UNC13C: variants seen among roughly 807,000 people sequenced by gnomAD.
UNC13C encodes the protein protein unc-13 homolog C.
UNC13C carries 174 observed loss-of-function variants against 245.4 expected under a neutral mutation model. The observed-to-expected ratio is 0.71, with a 90% CI of 0.63 to 0.80. The LOEUF (loss-of-function observed/expected upper bound fraction) is 0.80, where lower values mean the gene tolerates loss of function less well. Ranked by LOEUF, UNC13C falls within the 30% of genes least tolerant of loss-of-function variation. The pLI is 0.00. For synonymous variants in UNC13C, 992 were observed against 895.1 expected (o/e 1.11, Z -1.93); for missense variants, 2,829 against 2,602.9 (o/e 1.09, Z -1.89).
At chr15:54,280,703 C>T (rs201104423) in intron 10 of UNC13C, among the ~76,000 whole-genome samples, 1 of 52,306 alleles carries the variant, frequency 1.9e-5, no homozygotes, top group Non-Finnish European at 3.2e-5. Context: ...CATATGTATA[C>T]ATACATATAT....
intron 2 of UNC13C, among the ~76,000 whole-genome samples, chr15:54,063,302 A>C (rs1897927489): frequency 6.6e-6 from 1 of 152,152 alleles, no homozygotes; most frequent in Non-Finnish European, 1.5e-5. Flanking sequence ...CCAAAGCAAG[A>C]CACACACGAA....
chr15:54,178,738 A>C (rs778577119), intron 4 of UNC13C, among the ~76,000 whole-genome samples: 18 of 152,192 alleles, frequency 1.2e-4, no homozygotes, highest in Non-Finnish European at 2.6e-4. Context: ...AAACTCAAGG[A>C]GCCCAGAATT....
the UNC13C span, among the ~76,000 whole-genome samples, chr15:53,905,061 G>T: frequency 1.3e-5 from 2 of 152,056 alleles, no homozygotes; most frequent in Non-Finnish European, 2.9e-5. Flanking sequence ...GTGGGACAAT[G>T]AATGCATAAC....
intron 1 of UNC13C, among the ~76,000 whole-genome samples, chr15:53,999,049 ATCTGAATT>A (rs1341924418): frequency 2.0e-5 from 3 of 151,966 alleles, no homozygotes; most frequent in African/African-American, 7.2e-5. Context: ...AGGGATACTA[ATCTGAATT>A]TTTTCTTCTC....
At chr15:54,093,628 A>G (rs978266227) in intron 2 of UNC13C, among the ~76,000 whole-genome samples, 1 of 152,244 alleles carries the variant, frequency 6.6e-6, no homozygotes, top group Non-Finnish European at 1.5e-5. Flanking sequence ...TTGACTTAGC[A>G]TGATCTGAGA....
In UNC13C at chr15:54,613,829, G is replaced by A. The variant is rs74679618; in HGVS notation, c.6107-8498G>A. Among the ~76,000 whole-genome samples the A allele has an allele frequency of 9.3e-3, 1,412 of 151,912 alleles. 21 individuals carry two copies. Among genetic ancestry groups the A allele is most frequent in the African/African-American group, 0.032 (1,325 of 41,476 alleles). ...TATTTGGCAAATATTTATCTAGTACGTACTAGGAACTGTTTTAGGTAGTAA... is the reference window on the plus strand; with the variant it reads ...TATTTGGCAAATATTTATCTAGTACATACTAGGAACTGTTTTAGGTAGTAA... On this transcript the variant is annotated intron_variant, in intron 30 of 32. Transcript: ENST00000260323.
intron 2 of UNC13C, among the ~76,000 whole-genome samples, chr15:54,119,454 C>T (rs34690508): frequency 0.21 from 32,601 of 152,010 alleles, 3,686 homozygotes; most frequent in East Asian, 0.31. Context: ...ACTTAAAAAA[C>T]GTTGTGTGTA....
intron 2 of UNC13C, among the ~76,000 whole-genome samples, chr15:54,102,153 C>A (rs1900197557): frequency 6.6e-6 from 1 of 150,964 alleles, no homozygotes; most frequent in Non-Finnish European, 1.5e-5. Flanking sequence ...TAGGCAAATT[C>A]CCATAAGTCA....
At chr15:54,557,674 C>T (rs62022752) in intron 29 of UNC13C, among the ~76,000 whole-genome samples, 9,304 of 151,850 alleles carry the variant, frequency 0.061, 394 homozygotes, top group Admixed American at 0.13. Context: ...TAATTTCCAA[C>T]GGCTGCTAAA....
Position 54,015,746 on chromosome 15 carries a change from G to A in UNC13C, c.2843G>A (p.Arg948Lys). 1.2e-6 allele frequency: 2 copies of A among 1,613,270 alleles called. No homozygotes were observed. The highest frequency in any genetic ancestry group is 2.2e-5 in the East Asian group (1 of 44,846). The change falls in exon 2 of 33, where the codon AGA becomes AAA. Residue 948 changes from arginine to lysine, a missense_variant. Physicochemically the swap from Arg to Lys is conservative, Grantham distance 26 (BLOSUM62 2). Transcript: ENST00000260323. ...GAAACATCAGCTGAGATGGAAATAA[G>A]AGAAGATGAAAACCAAAACATTCCT... ...LNETSAEMEI[R>K]EDENQNIPEQ...
At chr15:54,503,166 C>T (rs1894304243) in intron 22 of UNC13C, among the ~76,000 whole-genome samples, 1 of 151,944 alleles carries the variant, frequency 6.6e-6, no homozygotes, top group Admixed American at 6.6e-5. Flanking sequence ...ATTTTTAATC[C>T]ATGGAAATTC....
At chr15:54,131,113 A>C (rs766795479) in intron 2 of UNC13C, among the ~76,000 whole-genome samples, 5 of 152,066 alleles carry the variant, frequency 3.3e-5, no homozygotes, top group African/African-American at 7.2e-5. Flanking sequence ...AATAATTGGG[A>C]GATTATGTTT....
intron 3 of UNC13C, 141 bp from the exon 4 acceptor site, chr15:54,143,479 T>C: frequency 1.6e-6 from 1 of 621,394 alleles, no homozygotes; most frequent in Non-Finnish European, 2.8e-6. Context: ...TAGCTTTGAC[T>C]TGGAGCTGAC....
chr15:54,086,927 G>T (rs560733258), intron 2 of UNC13C, among the ~76,000 whole-genome samples: 1 of 151,380 alleles, frequency 6.6e-6, no homozygotes, highest in African/African-American at 2.4e-5. Flanking sequence ...GTAGAGACGG[G>T]GTTTCACCAT....
chr15:53,917,538 G>C, the UNC13C span, among the ~76,000 whole-genome samples: 1 of 152,150 alleles, frequency 6.6e-6, no homozygotes, highest in Non-Finnish European at 1.5e-5. Flanking sequence ...GAGATCCAGG[G>C]AAATGAGCAC....
the UNC13C span, among the ~76,000 whole-genome samples, chr15:53,956,985 A>C: frequency 5.3e-5 from 8 of 152,068 alleles, no homozygotes; most frequent in African/African-American, 1.9e-4. Context: ...TGTATCATAA[A>C]GTTCAAAACA....
intron 10 of UNC13C, among the ~76,000 whole-genome samples, chr15:54,284,685 G>A (rs182740089): frequency 5.3e-5 from 8 of 152,194 alleles, no homozygotes; most frequent in African/African-American, 9.6e-5. Context: ...CTGCCTGTTC[G>A]CTGATATCTC....
intron 17 of UNC13C, among the ~76,000 whole-genome samples, chr15:54,342,408 T>C (rs2141011387): frequency 6.6e-6 from 1 of 152,262 alleles, no homozygotes; most frequent in African/African-American, 2.4e-5. Flanking sequence ...CTACAATTTT[T>C]TTTTTAATTA....
At chr15:53,850,265 T>A in the UNC13C span, among the ~76,000 whole-genome samples, 3 of 151,632 alleles carry the variant, frequency 2.0e-5, no homozygotes, top group African/African-American at 2.4e-5. Flanking sequence ...AATAAAAAAA[T>A]TTAGGCAGGC....
Sources: allele counts gnomAD v4.1 joint callset (sites outside exome capture counted in the v4.1 genomes callset), GRCh38; gene constraint gnomAD v4.1.1; transcripts MANE v1.5; gene names NCBI Gene and HGNC (gene_info 2026-07-23, HGNC 2026-07-21).